The following TANGO2 variants were observed in gnomAD, a reference collection of about 807,000 sequenced individuals.
TANGO2 encodes transport and golgi organization 2 homolog, also known as transport and Golgi organization protein 2 homolog.
A neutral mutation model predicts 39.1 loss-of-function variants in TANGO2; 26 were observed. That is an observed-to-expected ratio of 0.67 (90% CI 0.49 to 0.92). TANGO2 has a LOEUF of 0.92. Ranked by LOEUF, TANGO2 falls within the 40% of genes least tolerant of loss-of-function variation. TANGO2 has a pLI of 0.00. For synonymous variants in TANGO2, 131 were observed against 144.5 expected, an observed-to-expected ratio of 0.91 and a Z score of 0.67; for missense variants, 326 against 360.1, an observed-to-expected ratio of 0.91 and a Z score of 0.77.
In TANGO2 at chr22:20,053,584, C is replaced by T. The variant is rs373691952; in HGVS notation, c.380+33C>T. On this transcript the variant is annotated intron_variant, in intron 5 of 8. Transcript: ENST00000327374. ...TGCCAGAGGGGGATGGCGGCTCTGC[C>T]CAGCACTGCCTCGGGGGCAGGCCTC... The T allele has an allele frequency of 1.0e-4, 144 of 1,419,818 alleles. 1 individual carries two copies. The highest frequency in any genetic ancestry group is 1.3e-4 in the Non-Finnish European group (132 of 1,003,724). The allele number at this position is 1,419,818 out of a possible 1,614,324, so 88.0% of individuals were successfully genotyped here. A position where few individuals can be genotyped will look rare whatever the true frequency, so the allele number is the denominator to read the frequency against.
In TANGO2 at chr22:20,061,546, C is replaced by T. The variant is rs758078883; in HGVS notation, c.468C>T (p.Ser156=). Residue 156 remains serine, a synonymous_variant, in exon 7 of 9, where the codon AGC becomes AGT. Transcript: ENST00000327374. ...IVLTPGTYGL[S]NALLETPWRK... ...TCCTCACAGGCACCTACGGGCTGAGCAACGCGCTGCTGGAGACTCCCTGGA... is the reference window on the plus strand; with the variant it reads ...TCCTCACAGGCACCTACGGGCTGAGTAACGCGCTGCTGGAGACTCCCTGGA... 6.2e-7 allele frequency: 1 copy of T among 1,606,160 alleles called. No homozygotes were observed. Among genetic ancestry groups the T allele is most frequent in the Non-Finnish European group, 8.5e-7 (1 of 1,177,018 alleles).
upstream of TANGO2, among the ~76,000 whole-genome samples, chr22:20,020,734 G>A (rs983780266): frequency 7.2e-5 from 11 of 152,124 alleles, no homozygotes; most frequent in African/African-American, 2.4e-4. Flanking sequence ...GAGGGGGCCA[G>A]TCCGGAAGTG....
At chr22:20,042,431 C>T (rs114456898) in intron 2 of TANGO2, among the ~76,000 whole-genome samples, 1,551 of 152,284 alleles carry the variant, frequency 0.01, 29 homozygotes, top group African/African-American at 0.035. Context: ...AAGACCAGGG[C>T]TCTTAAAGTT....
intron 3 of TANGO2, among the ~76,000 whole-genome samples, chr22:20,051,149 C>A (rs1033031823): frequency 1.3e-5 from 2 of 151,762 alleles, no homozygotes; most frequent in African/African-American, 4.8e-5. Context: ...GTGTGAGTCA[C>A]CGCACGGGGC....
intron 6 of TANGO2, among the ~76,000 whole-genome samples, chr22:20,060,332 G>A (rs1264294134): frequency 1.6e-5 from 2 of 127,622 alleles, no homozygotes; most frequent in Non-Finnish European, 3.1e-5. Flanking sequence ...CTGGGCGACA[G>A]AGTAAGACTC....
At chr22:20,049,651 ACT>A (rs1429676208) in intron 3 of TANGO2, among the ~76,000 whole-genome samples, 3 of 143,890 alleles carry the variant, frequency 2.1e-5, no homozygotes, top group Non-Finnish European at 3.0e-5. Context: ...CAAGAGCGAA[ACT>A]CTGTCTCAAA....
At chr22:20,035,139 C>G (rs766170480) in intron 1 of TANGO2, among the ~76,000 whole-genome samples, 1 of 152,354 alleles carries the variant, frequency 6.6e-6, no homozygotes, top group Non-Finnish European at 1.5e-5. Flanking sequence ...TGGTGGCCAG[C>G]AGACCATCTC....
intron 1 of TANGO2, among the ~76,000 whole-genome samples, chr22:20,036,120 C>T (rs1413492110): frequency 6.6e-6 from 1 of 152,282 alleles, no homozygotes; most frequent in Non-Finnish European, 1.5e-5. Context: ...CTAACTAGGA[C>T]TGCAATGCAT....
At position 20,055,968 on chromosome 22, in the gene TANGO2, T is replaced by C; in HGVS notation, c.406T>C (p.Tyr136His). ...CACAGCAAAGGGAGACGTCATTTGC[T>C]ACTATGGGAACCGAGGGGAGCCTGA... ...LSTAKGDVIC[Y>H]YGNRGEPDPI... Residue 136 changes from tyrosine (Y) to histidine (H), a missense_variant, in exon 6 of 9, where the codon TAC becomes CAC. Transcript: ENST00000327374. 1 of 1,614,130 alleles carries C rather than the reference T, an allele frequency of 6.2e-7. No individual in the cohort carries two copies. Among genetic ancestry groups the C allele is most frequent in the Non-Finnish European group, 8.5e-7 (1 of 1,179,954 alleles).
chr22:20,041,459 C>T (rs2043921002), intron 2 of TANGO2, among the ~76,000 whole-genome samples: 1 of 152,034 alleles, frequency 6.6e-6, no homozygotes, highest in Admixed American at 6.6e-5. Flanking sequence ...ACTACAGGCG[C>T]CCGCCACCAC....
At chr22:20,036,041 C>A (rs986074380) in intron 1 of TANGO2, among the ~76,000 whole-genome samples, 5 of 152,144 alleles carry the variant, frequency 3.3e-5, no homozygotes, top group African/African-American at 1.2e-4. Flanking sequence ...CAAAATAGCT[C>A]ATTTTGTCTG....
At chr22:20,029,190 G>T (rs2041364218) in intron 1 of TANGO2, among the ~76,000 whole-genome samples, 1 of 152,184 alleles carries the variant, frequency 6.6e-6, no homozygotes, top group Non-Finnish European at 1.5e-5. Context: ...TTTCCATTTG[G>T]CCTTAGGACA....
chr22:20,060,990 AG>A (rs1247193455), intron 6 of TANGO2, among the ~76,000 whole-genome samples: 7 of 152,000 alleles, frequency 4.6e-5, no homozygotes, highest in African/African-American at 1.7e-4. Flanking sequence ...GTCTGTGCAG[AG>A]CCCCCCGGCT....
At chr22:20,036,712 C>G in intron 1 of TANGO2, 48 bp from the exon 2 acceptor site, 1 of 1,542,272 alleles carries the variant, frequency 6.5e-7, no homozygotes, top group Non-Finnish European at 9.0e-7. Flanking sequence ...GGAGGGCAGC[C>G]CTGAGTGTCT....
chr22:20,036,913 C>A (rs1357636902), intron 2 of TANGO2, 59 bp downstream of exon 2: 1 of 1,614,172 alleles, frequency 6.2e-7, no homozygotes, highest in Admixed American at 1.7e-5. Context: ...CCAGCCAGTT[C>A]TCATGCCACC....
At chr22:20,033,123 T>C (rs755012012) in intron 1 of TANGO2, 2 of 476,288 alleles carry the variant, frequency 4.2e-6, no homozygotes, top group Non-Finnish European at 8.5e-6. Flanking sequence ...CGGTGGGCAG[T>C]GGGCCTGGCT....
chr22:20,026,014 C>T (rs958725124), intron 1 of TANGO2, among the ~76,000 whole-genome samples: 6 of 152,338 alleles, frequency 3.9e-5, no homozygotes, highest in East Asian at 1.9e-4. Flanking sequence ...GGATGGCCAG[C>T]GGCCACCTAA....
chr22:20,030,346 G>A (rs973347776), intron 1 of TANGO2, among the ~76,000 whole-genome samples: 8 of 151,320 alleles, frequency 5.3e-5, no homozygotes, highest in Non-Finnish European at 1.2e-4. Flanking sequence ...TTGTTTGTTT[G>A]TTTGTTTGTT....
chr22:20,033,041 A>C (rs1232612202), intron 1 of TANGO2: 5 of 384,960 alleles, frequency 1.3e-5, no homozygotes, highest in Non-Finnish European at 1.5e-5. Flanking sequence ...GGCAAAGGCA[A>C]GGTCACAGGT....
Sources: allele counts gnomAD v4.1 joint callset (sites outside exome capture counted in the v4.1 genomes callset), GRCh38; gene constraint gnomAD v4.1.1; transcripts MANE v1.5; gene names NCBI Gene and HGNC (gene_info 2026-07-23, HGNC 2026-07-21).